CSMD1: variants seen among roughly 807,000 people sequenced by gnomAD.
The protein encoded by CSMD1 is CUB and Sushi multiple domains 1.
Under a neutral mutation model 417.5 loss-of-function variants are expected in CSMD1, and 213 were observed. That is an observed-to-expected ratio of 0.51 (90% CI 0.46 to 0.57). The LOEUF (loss-of-function observed/expected upper bound fraction) is 0.57, where lower values mean the gene tolerates loss of function less well. Among genes scored for constraint, CSMD1 ranks in the 20% least tolerant of loss-of-function variants. The pLI is 0.00. For synonymous variants in CSMD1, 2,862 were observed against 1,736.8 expected (o/e 1.65, Z -16.11); for missense variants, 6,923 against 4,529.7 (o/e 1.53, Z -15.17).
chr8:3,490,185 G>A (rs534053856), intron 11 of CSMD1, among the ~76,000 whole-genome samples: 3 of 152,146 alleles, frequency 2.0e-5, no homozygotes. Context: ...CTCTTCTGCA[G>A]CTGATTAAAT....
At chr8:4,799,300 A>T (rs1211219609) in intron 1 of CSMD1, among the ~76,000 whole-genome samples, 1 of 152,222 alleles carries the variant, frequency 6.6e-6, no homozygotes, top group Non-Finnish European at 1.5e-5. Context: ...GAAGTTTATC[A>T]AAGATGTTCA....
At chr8:3,565,159 A>AAAAAAAAAG in intron 10 of CSMD1, among the ~76,000 whole-genome samples, 1 of 138,016 alleles carries the variant, frequency 7.2e-6, no homozygotes. Context: ...AAAAAAAAAA[A>AAAAAAAAAG]AGAGAGAGAT....
intron 3 of CSMD1, among the ~76,000 whole-genome samples, chr8:4,288,261 G>C (rs1797169760): frequency 6.6e-6 from 1 of 152,070 alleles, no homozygotes; most frequent in Non-Finnish European, 1.5e-5. Flanking sequence ...TTTCTGACAT[G>C]CCCCCACTGG....
At chr8:4,032,594 G>T (rs1209803962) in intron 3 of CSMD1, among the ~76,000 whole-genome samples, 1 of 152,124 alleles carries the variant, frequency 6.6e-6, no homozygotes, top group Non-Finnish European at 1.5e-5. Context: ...ATCAACATTT[G>T]ATGGATAAGC....
chr8:4,572,630 G>T (rs1265647571), intron 2 of CSMD1, among the ~76,000 whole-genome samples: 4 of 152,128 alleles, frequency 2.6e-5, no homozygotes, highest in African/African-American at 9.7e-5. Context: ...TCTGAGCGGT[G>T]TTCTCTGTAT....
intron 2 of CSMD1, among the ~76,000 whole-genome samples, chr8:4,465,539 C>A (rs1185500226): frequency 6.6e-6 from 1 of 152,172 alleles, no homozygotes; most frequent in Non-Finnish European, 1.5e-5. Flanking sequence ...TACAACTCCA[C>A]TCTCAGAATG....
intron 3 of CSMD1, among the ~76,000 whole-genome samples, chr8:4,339,648 G>C (rs1186115147): frequency 6.6e-6 from 1 of 152,154 alleles, no homozygotes; most frequent in East Asian, 1.9e-4. Context: ...ACATTCATCA[G>C]ATGATTCAAT....
intron 10 of CSMD1, among the ~76,000 whole-genome samples, chr8:3,536,684 T>C (rs1798214067): frequency 6.6e-6 from 1 of 152,086 alleles, no homozygotes; most frequent in African/African-American, 2.4e-5. Flanking sequence ...CACAGAGCAA[T>C]AGGATCTGTG....
chr8:3,342,110 T>C (rs1342413071), intron 23 of CSMD1, among the ~76,000 whole-genome samples: 1 of 152,238 alleles, frequency 6.6e-6, no homozygotes, highest in Non-Finnish European at 1.5e-5. Context: ...AGGCTTTCTA[T>C]TTACTCAGTC....
At chr8:3,750,166 A>G (rs377244201) in intron 6 of CSMD1, among the ~76,000 whole-genome samples, 64 of 152,310 alleles carry the variant, frequency 4.2e-4, no homozygotes, top group African/African-American at 1.4e-3. Context: ...GATAATCTGC[A>G]ATCGTATCAA....
At chr8:3,521,695 C>T (rs1448985285) in intron 10 of CSMD1, among the ~76,000 whole-genome samples, 1 of 152,214 alleles carries the variant, frequency 6.6e-6, no homozygotes, top group African/African-American at 2.4e-5. Flanking sequence ...GGTCATCAAC[C>T]ATGACCAGAA....
At chr8:3,771,923 C>T (rs986220777) in intron 5 of CSMD1, among the ~76,000 whole-genome samples, 33 of 152,034 alleles carry the variant, frequency 2.2e-4, no homozygotes, top group African/African-American at 7.7e-4. Flanking sequence ...AAATAGCCCA[C>T]AGGCAACTCA....
intron 3 of CSMD1, among the ~76,000 whole-genome samples, chr8:4,275,252 G>C (rs968313669): frequency 6.6e-6 from 1 of 151,966 alleles, no homozygotes. Context: ...AAATATGGGC[G>C]AAATGAAAGC....
chr8:3,932,845 A>C (rs368988517), intron 5 of CSMD1, among the ~76,000 whole-genome samples: 14 of 150,580 alleles, frequency 9.3e-5, no homozygotes, highest in African/African-American at 3.2e-4. Context: ...TGCTATTGTT[A>C]TTAGATTTCA....
At chr8:4,816,482 G>T (rs998692374) in intron 1 of CSMD1, among the ~76,000 whole-genome samples, 1 of 151,982 alleles carries the variant, frequency 6.6e-6, no homozygotes, top group Admixed American at 6.6e-5. Context: ...CCCTCCTCAG[G>T]CTCCCAAAAT....
At chr8:4,638,472 C>G (rs1457481478) in intron 1 of CSMD1, among the ~76,000 whole-genome samples, 1 of 152,124 alleles carries the variant, frequency 6.6e-6, no homozygotes, top group African/African-American at 2.4e-5. Flanking sequence ...TTAAATGACG[C>G]TAAAATGAAA....
At chr8:3,177,272 G>A (rs979698531) in intron 37 of CSMD1, among the ~76,000 whole-genome samples, 2 of 152,156 alleles carry the variant, frequency 1.3e-5, no homozygotes, top group African/African-American at 4.8e-5. Flanking sequence ...CCACCCACAG[G>A]CCTCTATCAG....
chr8:4,620,972 C>A (rs1205158369), intron 2 of CSMD1, among the ~76,000 whole-genome samples: 1 of 151,726 alleles, frequency 6.6e-6, no homozygotes, highest in Admixed American at 6.6e-5. Context: ...AATTGGCAAA[C>A]TCTTGGCTAG....
intron 1 of CSMD1, among the ~76,000 whole-genome samples, chr8:4,910,395 A>G (rs1805581807): frequency 6.6e-6 from 1 of 152,210 alleles, no homozygotes; most frequent in Non-Finnish European, 1.5e-5. Flanking sequence ...GCTTATAAAC[A>G]ATAGAAATTT....
Sources: allele counts gnomAD v4.1 joint callset (sites outside exome capture counted in the v4.1 genomes callset), GRCh38; gene constraint gnomAD v4.1.1; transcripts MANE v1.5; gene names NCBI Gene and HGNC (gene_info 2026-07-23, HGNC 2026-07-21).